Variants in ZMPSTE24 observed in about 807,000 individuals in gnomAD.
The protein encoded by ZMPSTE24 is CAAX prenyl protease 1 homolog.
ZMPSTE24 carries 48 observed loss-of-function variants against 56.7 expected under a neutral mutation model. That is an observed-to-expected ratio of 0.85 (90% CI 0.67 to 1.08). The LOEUF is 1.08. Ranked by LOEUF, ZMPSTE24 falls within the 50% of genes least tolerant of loss-of-function variation. The probability of loss-of-function intolerance (pLI) is 0.00; values close to 1 mark genes in which losing one functional copy is unlikely to be tolerated. For missense variants in ZMPSTE24, 503 were observed against 548.7 expected, an observed-to-expected ratio of 0.92 and a Z score of 0.83; for synonymous variants, 172 against 195.2, an observed-to-expected ratio of 0.88 and a Z score of 0.99.
At chr1:40,264,195 G>A (rs369682811) in intron 2 of ZMPSTE24, among the ~76,000 whole-genome samples, 1 of 152,156 alleles carries the variant, frequency 6.6e-6, no homozygotes, top group South Asian at 2.1e-4. Context: ...TTAGCCTGGC[G>A]TGTTGGCACA....
intron 7 of ZMPSTE24, among the ~76,000 whole-genome samples, chr1:40,284,810 A>G (rs1306699985): frequency 6.6e-6 from 1 of 151,966 alleles, no homozygotes; most frequent in Admixed American, 6.6e-5. Context: ...TACTTTTTAT[A>G]TTTGTATATT....
rs763658936 is a variant in ZMPSTE24 at position 40,260,852 on chromosome 1, A to C, written c.137A>C (p.Lys46Thr). Reference protein sequence around the residue: ...FLAQRQRRIYKTTTHVPPELG... With the variant: ...FLAQRQRRIYTTTTHVPPELG... ...AAAATATTTCAGAGAAGGATATATA[A>C]AACAACAACTCATGTACCACCGGAG... Residue 46 changes from lysine (K) to threonine (T), a missense_variant, in exon 2 of 10, where the codon AAA (lysine) becomes ACA (threonine). Transcript: ENST00000372759. The C allele has an allele frequency of 1.7e-5, 27 of 1,613,932 alleles. No homozygotes were observed. The highest frequency in any genetic ancestry group is 2.7e-5 in the African/African-American group (2 of 75,068).
intron 2 of ZMPSTE24, among the ~76,000 whole-genome samples, chr1:40,267,332 GTTATT>G (rs71060361): frequency 0.23 from 31,650 of 137,092 alleles, 3,876 homozygotes; most frequent in African/African-American, 0.3. Context: ...ATTTTATTTT[GTTATT>G]TTATTTTATT....
At position 40,274,587 on chromosome 1, in the gene ZMPSTE24, A is replaced by G. The variant is rs145570084; in HGVS notation, c.769+2552A>G. Among the ~76,000 whole-genome samples the G allele has an allele frequency of 7.7e-3, 1,168 of 152,294 alleles. 13 individuals are homozygous for G. The highest frequency in any genetic ancestry group is 0.027 in the African/African-American group (1,123 of 41,558). On this transcript the variant is annotated intron_variant, in intron 6 of 9. Coordinates refer to ENST00000372759, the MANE Select transcript of ZMPSTE24 (RefSeq NM_005857.5). Reference sequence around the variant, plus strand: ...CACCATAGCAGGAGAGTGTTAGGAGATGAAATCTGAGACATAGGCAAGAAT... The same window carrying G: ...CACCATAGCAGGAGAGTGTTAGGAGGTGAAATCTGAGACATAGGCAAGAAT...
chr1:40,279,723 C>T (rs1643708076), intron 6 of ZMPSTE24, among the ~76,000 whole-genome samples: 1 of 152,044 alleles, frequency 6.6e-6, no homozygotes, highest in African/African-American at 2.4e-5. Context: ...AGAATTGGGC[C>T]CTTTCTGTTG....
chr1:40,289,862 C>A (rs2123999350), intron 8 of ZMPSTE24, among the ~76,000 whole-genome samples: 1 of 152,190 alleles, frequency 6.6e-6, no homozygotes, highest in South Asian at 2.1e-4. Context: ...TCTTTGGAGC[C>A]TCCGCTTCAA....
At chr1:40,262,833 GT>G (rs1205003702) in intron 2 of ZMPSTE24, 1 of 1,172,520 alleles carries the variant, frequency 8.5e-7, no homozygotes, top group Admixed American at 4.5e-5. Context: ...TGTTTCACCA[GT>G]TCCAGAGAAT....
At chr1:40,265,152 T>G (rs1643536965) in intron 2 of ZMPSTE24, among the ~76,000 whole-genome samples, 2 of 152,216 alleles carry the variant, frequency 1.3e-5, no homozygotes, top group African/African-American at 4.8e-5. Context: ...AAAACTACCC[T>G]TGATGCTTAT....
At chr1:40,288,395 A>G (rs1643807650) in intron 8 of ZMPSTE24, among the ~76,000 whole-genome samples, 1 of 152,186 alleles carries the variant, frequency 6.6e-6, no homozygotes, top group Non-Finnish European at 1.5e-5. Flanking sequence ...TGCCCCTTCC[A>G]TGAGGGAAAG....
intron 6 of ZMPSTE24, among the ~76,000 whole-genome samples, chr1:40,276,764 C>G (rs1557777872): frequency 6.6e-6 from 1 of 152,192 alleles, no homozygotes; most frequent in Non-Finnish European, 1.5e-5. Context: ...TTACCTACTG[C>G]ACACCTAGGT....
chr1:40,281,139 A>G (rs1468790168), intron 6 of ZMPSTE24, among the ~76,000 whole-genome samples: 2 of 152,232 alleles, frequency 1.3e-5, no homozygotes, highest in Non-Finnish European at 2.9e-5. Flanking sequence ...ACTTACTGCT[A>G]TAAAGCTGTG....
At chr1:40,283,077 T>C (rs1213635672) in intron 7 of ZMPSTE24, among the ~76,000 whole-genome samples, 3 of 152,232 alleles carry the variant, frequency 2.0e-5, no homozygotes, top group African/African-American at 7.2e-5. Flanking sequence ...TAGCCTGTTA[T>C]AAATACGTAG....
intron 2 of ZMPSTE24, 126 bp from the exon 3 acceptor site, chr1:40,267,660 G>A (rs1569625664): frequency 4.1e-6 from 3 of 730,230 alleles, no homozygotes; most frequent in South Asian, 1.5e-5. Flanking sequence ...ATGAGCCACC[G>A]TACTGGCCTC....
chr1:40,284,465 G>A (rs189187059), intron 7 of ZMPSTE24, among the ~76,000 whole-genome samples: 1 of 151,902 alleles, frequency 6.6e-6, no homozygotes, highest in South Asian at 2.1e-4. Context: ...AAGAGAATGG[G>A]ACTAGGCCCC....
At chr1:40,264,150 A>G (rs758984627) in intron 2 of ZMPSTE24, among the ~76,000 whole-genome samples, 1 of 152,156 alleles carries the variant, frequency 6.6e-6, no homozygotes, top group African/African-American at 2.4e-5. Flanking sequence ...CCTGACCAAC[A>G]TGGCGAAACC....
rs778711450 is a variant in ZMPSTE24, at chr1:40,286,423, T to TA, written c.1059+401dup. Among the ~76,000 whole-genome samples the TA allele has an allele frequency of 9.2e-5, 14 of 152,220 alleles. 1 individual carries two copies. The highest frequency in any genetic ancestry group is 5.8e-4 in the East Asian group (3 of 5,180). ...ATTAAAATGCTTTTTAAAATTAAAT[T>TA]AAAAAAATTTTTTTTGAGACAGAGT... is the stretch of plus-strand genomic sequence containing the variant. On this transcript the variant is annotated intron_variant, in intron 8 of 9. Transcript: ENST00000372759.
rs1377508155 is a variant in ZMPSTE24 at position 40,286,016 on chromosome 1, T to C, written c.1046T>C (p.Ile349Thr). The change falls in exon 8 of 10, where the codon ATC becomes ACC. Residue 349 changes from isoleucine to threonine, a missense_variant. By Grantham distance (89) the Ile-to-Thr change is moderately conservative. Transcript: ENST00000372759. ...AAGTTGGGACATACAGTCAAAAATA[T>C]CATTATTAGCCAGGTAAGTGTGGAG... ...HWKLGHTVKN[I>T]IISQMNSFLC... 5.6e-6 allele frequency: 9 copies of C among 1,613,434 alleles called. No individual in the cohort carries two copies. The highest frequency in any genetic ancestry group is 7.6e-6 in the Non-Finnish European group (9 of 1,179,598).
intron 1 of ZMPSTE24, chr1:40,259,629 G>A (rs1643474844): frequency 6.6e-6 from 1 of 152,160 alleles, no homozygotes. Context: ...TTTAGAGACA[G>A]GGGCTCACTC....
chr1:40,283,504 TAA>T (rs56840739), intron 7 of ZMPSTE24, among the ~76,000 whole-genome samples: 5 of 143,544 alleles, frequency 3.5e-5, no homozygotes, highest in Non-Finnish European at 3.1e-5. Flanking sequence ...GACCCTGTCT[TAA>T]AAAAAAAAAA....
Sources: gnomAD v4.1 joint callset for allele counts (sites outside exome capture counted in the v4.1 genomes callset) on GRCh38, gnomAD v4.1.1 for gene constraint, MANE v1.5 for transcripts, NCBI Gene and HGNC (gene_info 2026-07-23, HGNC 2026-07-21) for gene names.